KATNAL2: variants seen among roughly 807,000 people sequenced by gnomAD.
The protein encoded by KATNAL2 is katanin p60 ATPase-containing subunit A-like 2.
A neutral mutation model predicts 76.3 loss-of-function variants in KATNAL2; 52 were observed. That is an observed-to-expected ratio of 0.68 (90% CI 0.55 to 0.86). The LOEUF (loss-of-function observed/expected upper bound fraction) is 0.86. Ranked by LOEUF, KATNAL2 falls within the 40% of genes least tolerant of loss-of-function variation. The pLI is 0.00. For synonymous variants in KATNAL2, 243 were observed against 244.2 expected, an observed-to-expected ratio of 1.00 and a Z score of 0.05; for missense variants, 660 against 668.9, an observed-to-expected ratio of 0.99 and a Z score of 0.15.
In KATNAL2 at chr18:47,101,253, T is replaced by C. The variant is rs1460073531; in HGVS notation, c.*248T>C. The C allele has an allele frequency of 8.1e-6, 3 of 370,324 alleles. No homozygotes were observed. 22.9% of individuals were successfully genotyped at this position (370,324 alleles called of 1,614,324 possible). A position where few individuals can be genotyped will look rare whatever the true frequency, so the allele number is the denominator to read the frequency against. On this transcript the variant is annotated 3_prime_UTR_variant, in exon 18 of 18. Coordinates refer to ENST00000683218, the MANE Select transcript of KATNAL2 (RefSeq NM_001387690.1). ...GTGCTATTGGGTCATACAATGGAGA[T>C]TTTTCTGACAATTAGACTCCATAAA... is the stretch of plus-strand genomic sequence containing the variant.
chr18:47,092,189 A>G lies in KATNAL2; in HGVS notation c.1212-7054A>G, dbSNP rs371577257. Among the ~76,000 whole-genome samples, 32 of 152,126 alleles carry G rather than the reference A, an allele frequency of 2.1e-4. 1 individual carries two copies. The East Asian group carries it at 3.3e-3, about 16-fold the overall frequency. On this transcript the variant is annotated intron_variant, in intron 15 of 17. Coordinates refer to ENST00000683218, the MANE Select transcript of KATNAL2 (RefSeq NM_001387690.1). The stretch of plus-strand genomic sequence containing the variant: ...GAATTCCTAAAATATAAATGTAATG[A>G]TTTAGCTTCCCTGTTAAAAGATCTC...
rs532446175 is a variant in KATNAL2 at position 46,931,672 on chromosome 18, GAGAGAAAGAAAGAA to G, written c.-510+13751_-510+13764del. On this transcript the variant is annotated intron_variant, in intron 1 of 17. Coordinates refer to ENST00000683218, the MANE Select transcript of KATNAL2 (RefSeq NM_001387690.1). Reference sequence around the variant, plus strand: ...TCAGAAAGAAAGAAAGAGAGGGAAAGAGAGAAAGAAAGAAAGAGGAAGGAAGGAAGAGAGAGAGA... The same window carrying G: ...TCAGAAAGAAAGAAAGAGAGGGAAAGAGAGGAAGGAAGGAAGAGAGAGAGA... Among the ~76,000 whole-genome samples, 443 of 147,638 alleles carry G rather than the reference GAGAGAAAGAAAGAA, an allele frequency of 3.0e-3. 1 individual carries two copies. The highest frequency in any genetic ancestry group is 0.01 in the African/African-American group (415 of 40,126).
At chr18:46,927,136 G>C (rs2058753164) in intron 1 of KATNAL2, among the ~76,000 whole-genome samples, 1 of 152,140 alleles carries the variant, frequency 6.6e-6, no homozygotes, top group African/African-American at 2.4e-5. Context: ...TATGATGTTA[G>C]CTGGTTATTT....
At chr18:47,035,575 G>C (rs1423255897) in intron 3 of KATNAL2, 1 of 573,434 alleles carries the variant, frequency 1.7e-6, no homozygotes. Context: ...TGGGCCTTAT[G>C]TAGCCCATCC....
rs937098588 is a variant in KATNAL2 at position 46,946,856 on chromosome 18, T to C, written c.-17T>C. On this transcript the variant is annotated splice_region_variant and 5_prime_UTR_variant, in exon 3 of 18. Coordinates refer to ENST00000683218, the MANE Select transcript of KATNAL2 (RefSeq NM_001387690.1). ...GACTACTTTTCTCCCTTCTCTAGGG[T>C]CCTAGCACAGTGTCTGATGGAGCTT... 4 of 1,535,412 alleles carry C rather than the reference T, an allele frequency of 2.6e-6. No homozygotes were observed. Among genetic ancestry groups the C allele is most frequent in the Non-Finnish European group, 3.5e-6 (4 of 1,146,504 alleles).
intron 1 of KATNAL2, among the ~76,000 whole-genome samples, chr18:46,944,142 T>A (rs1395031421): frequency 6.6e-6 from 1 of 152,198 alleles, no homozygotes; most frequent in Admixed American, 6.5e-5. Context: ...AATATTTCTG[T>A]AGCAAAATGT....
intron 1 of KATNAL2, among the ~76,000 whole-genome samples, chr18:46,924,983 C>T (rs1267151247): frequency 1.3e-5 from 2 of 152,126 alleles, no homozygotes; most frequent in Non-Finnish European, 2.9e-5. Flanking sequence ...AGATTTTGGG[C>T]TGAGATGATG....
At chr18:47,035,669 A>C in intron 3 of KATNAL2, 2 of 344,696 alleles carry the variant, frequency 5.8e-6, no homozygotes, top group Admixed American at 4.6e-5. Flanking sequence ...CGTCAGCACA[A>C]TGCAGACAAT....
chr18:47,098,275 C>T (rs1599893043), intron 15 of KATNAL2: 1 of 335,780 alleles, frequency 3.0e-6, no homozygotes, highest in Non-Finnish European at 5.9e-6. Context: ...AAGACATATC[C>T]AAGACTGGGA....
chr18:46,945,602 A>G lies in KATNAL2; in HGVS notation c.-509-455A>G, dbSNP rs531191610. Reference sequence around the variant, plus strand: ...AAAGAGCACTGGCTTCAGTCAGGAAACAGGTTTGCATCCTAACTCTATCTA... The same window carrying G: ...AAAGAGCACTGGCTTCAGTCAGGAAGCAGGTTTGCATCCTAACTCTATCTA... On this transcript the variant is annotated intron_variant, in intron 1 of 17. Coordinates refer to ENST00000683218, the MANE Select transcript of KATNAL2 (RefSeq NM_001387690.1). 4.8e-4 allele frequency among the ~76,000 whole-genome samples: 73 copies of G among 152,348 alleles called. 1 individual carries two copies. Among genetic ancestry groups the G allele is most frequent in the Admixed American group, 1.2e-3 (18 of 15,300 alleles).
chr18:47,071,953 C>CTTTTTTTTT lies in KATNAL2; in HGVS notation c.1008+2383_1008+2391dup, dbSNP rs574265545. ...GAAACAATTCCTCTCCCAATTTCTT[C>CTTTTTTTTT]TTTTTTTTTTTTTTTTTTTTTTTTT... is the stretch of plus-strand genomic sequence containing the variant. On this transcript the variant is annotated intron_variant, in intron 13 of 17. Coordinates refer to ENST00000683218, the MANE Select transcript of KATNAL2 (RefSeq NM_001387690.1). Among the ~76,000 whole-genome samples the CTTTTTTTTT allele has an allele frequency of 1.1e-3, 47 of 43,960 alleles. 5 individuals are homozygous for CTTTTTTTTT. The highest frequency in any genetic ancestry group is 2.6e-3 in the African/African-American group (22 of 8,348). The allele number at this position is 43,960 out of a possible 152,430, so 28.8% of individuals were successfully genotyped here. A position where few individuals can be genotyped will look rare whatever the true frequency, so the allele number is the denominator to read the frequency against.
chr18:47,091,327 TTCACACTTGCTGTACACCAGCAGC>T (rs1192530324), intron 15 of KATNAL2: 1 of 152,198 alleles, frequency 6.6e-6, no homozygotes, highest in African/African-American at 2.4e-5. Context: ...TTTGCTGCAT[TTCACACTTGCTGTACACCAGCAGC>T]TCACACTTGC....
chr18:47,077,860 T>C (rs1190253243), intron 15 of KATNAL2, among the ~76,000 whole-genome samples: 2 of 152,206 alleles, frequency 1.3e-5, no homozygotes, highest in African/African-American at 4.8e-5. Context: ...GAGGAAAATC[T>C]TCTCTTTAAT....
chr18:47,056,591 C>G (rs1401986640), intron 6 of KATNAL2, among the ~76,000 whole-genome samples: 3 of 152,194 alleles, frequency 2.0e-5, no homozygotes, highest in African/African-American at 4.8e-5. Flanking sequence ...AAAGTCAAAG[C>G]AGAGTGAATT....
At chr18:46,922,098 T>C (rs1279261616) in intron 1 of KATNAL2, among the ~76,000 whole-genome samples, 2 of 149,692 alleles carry the variant, frequency 1.3e-5, no homozygotes, top group Non-Finnish European at 3.0e-5. Flanking sequence ...AAATTTTTCC[T>C]CACTTTTTTT....
chr18:47,065,528 G>A (rs1171139515), intron 10 of KATNAL2, among the ~76,000 whole-genome samples: 4 of 152,134 alleles, frequency 2.6e-5, no homozygotes, highest in Non-Finnish European at 4.4e-5. Context: ...CATTAGCTAG[G>A]CATGGTGGCA....
intron 1 of KATNAL2, among the ~76,000 whole-genome samples, chr18:46,939,748 G>C (rs186715124): frequency 1.3e-5 from 2 of 152,318 alleles, no homozygotes; most frequent in Admixed American, 1.3e-4. Flanking sequence ...TTGAAGATGA[G>C]TCATACTAAT....
At chr18:47,058,691 G>A (rs2061540601) in intron 7 of KATNAL2, among the ~76,000 whole-genome samples, 1 of 151,930 alleles carries the variant, frequency 6.6e-6, no homozygotes, top group South Asian at 2.1e-4. Context: ...TATTACCTGA[G>A]GTAACTGAGC....
At chr18:46,934,747 GC>G (rs1227234809) in intron 1 of KATNAL2, among the ~76,000 whole-genome samples, 2 of 152,152 alleles carry the variant, frequency 1.3e-5, no homozygotes, top group African/African-American at 2.4e-5. Flanking sequence ...GAATGGTATT[GC>G]CTAGGTTTTC....
Sources: gnomAD v4.1 joint callset for allele counts (sites outside exome capture counted in the v4.1 genomes callset) on GRCh38, gnomAD v4.1.1 for gene constraint, MANE v1.5 for transcripts, NCBI Gene and HGNC (gene_info 2026-07-23, HGNC 2026-07-21) for gene names.